The following LRP1B variants were observed in gnomAD, a reference collection of about 807,000 sequenced individuals.
LRP1B encodes the protein LDL receptor related protein 1B.
Under a neutral mutation model 556.6 loss-of-function variants are expected in LRP1B, and 217 were observed. The observed-to-expected ratio is 0.39, with a 90% CI of 0.35 to 0.44. LRP1B has a LOEUF of 0.44. Among genes scored for constraint, LRP1B ranks in the 20% least tolerant of loss-of-function variants. The pLI, the probability that LRP1B is intolerant of heterozygous loss-of-function variation, is 1.00. For missense variants in LRP1B, 5,053 were observed against 5,620.8 expected, an observed-to-expected ratio of 0.90 and a Z score of 3.23; for synonymous variants, 2,047 against 1,865.8, an observed-to-expected ratio of 1.10 and a Z score of -2.50.
intron 13 of LRP1B, among the ~76,000 whole-genome samples, chr2:141,014,864 T>C (rs16845138): frequency 0.01 from 1,577 of 152,238 alleles, 29 homozygotes; most frequent in African/African-American, 0.035. Context: ...ACAGTATTGT[T>C]AGCATCAATC....
At chr2:140,947,529 G>A (rs964020841) in intron 20 of LRP1B, among the ~76,000 whole-genome samples, 4 of 152,270 alleles carry the variant, frequency 2.6e-5, no homozygotes, top group East Asian at 1.9e-4. Context: ...TAATCAAAGC[G>A]AATTTCTGCT....
intron 89 of LRP1B, among the ~76,000 whole-genome samples, chr2:140,237,667 C>A (rs1370073453): frequency 6.6e-6 from 1 of 150,624 alleles, no homozygotes; most frequent in East Asian, 2.0e-4. Flanking sequence ...ACTTTTCAGC[C>A]ATATTTCTAG....
intron 66 of LRP1B, 50 bp downstream of exon 66, chr2:140,442,454 G>A: frequency 6.3e-7 from 1 of 1,575,142 alleles, no homozygotes; most frequent in Non-Finnish European, 8.6e-7. Context: ...GGTTGTCGCA[G>A]ATGATGACTC....
intron 6 of LRP1B, among the ~76,000 whole-genome samples, chr2:141,227,656 A>G (rs776627646): frequency 1.3e-5 from 2 of 152,176 alleles, no homozygotes; most frequent in Non-Finnish European, 2.9e-5. Flanking sequence ...AAAATGTTCG[A>G]CAATATTTGT....
At chr2:141,929,997 C>A (rs1700447579) in intron 1 of LRP1B, among the ~76,000 whole-genome samples, 1 of 147,148 alleles carries the variant, frequency 6.8e-6, no homozygotes, top group Admixed American at 6.8e-5. Flanking sequence ...GTCATGAGGA[C>A]CCAAACCCAT....
chr2:141,378,713 T>G (rs1689526723), intron 3 of LRP1B, among the ~76,000 whole-genome samples: 2 of 152,178 alleles, frequency 1.3e-5, no homozygotes, highest in South Asian at 4.1e-4. Flanking sequence ...TTATTTTGAA[T>G]AGCAGATTTG....
intron 7 of LRP1B, among the ~76,000 whole-genome samples, chr2:141,187,918 A>G (rs1681328543): frequency 6.6e-6 from 1 of 151,996 alleles, no homozygotes; most frequent in Non-Finnish European, 1.5e-5. Context: ...ACATATCAAC[A>G]GTCATCGAAC....
intron 1 of LRP1B, among the ~76,000 whole-genome samples, chr2:141,876,802 AC>A (rs891571400): frequency 3.3e-5 from 5 of 151,750 alleles, no homozygotes; most frequent in African/African-American, 1.2e-4. Flanking sequence ...GTGAGAAATA[AC>A]CCCCAACCCC....
At chr2:141,242,510 C>A (rs894298566) in intron 5 of LRP1B, among the ~76,000 whole-genome samples, 1 of 151,994 alleles carries the variant, frequency 6.6e-6, no homozygotes, top group Non-Finnish European at 1.5e-5. Context: ...CCTGTTCTTA[C>A]AACTAAGAGT....
chr2:141,502,391 A>G (rs1559108157), intron 2 of LRP1B, among the ~76,000 whole-genome samples: 1 of 152,190 alleles, frequency 6.6e-6, no homozygotes, highest in Non-Finnish European at 1.5e-5. Context: ...GCTCATGAAT[A>G]TTTGTATTTA....
At position 141,506,412 on chromosome 2, in the gene LRP1B, GATA is replaced by G. The variant is rs1168386698; in HGVS notation, c.206-25882_206-25880del. ...ACAAGCATTTCAACTGGAACAAAATGATAATGAGAAAAACAACAGAAGTGTTAA... is the reference window on the plus strand; with the variant it reads ...ACAAGCATTTCAACTGGAACAAAATGATGAGAAAAACAACAGAAGTGTTAA... On this transcript the variant is annotated intron_variant, in intron 2 of 90. Coordinates refer to ENST00000389484, the MANE Select transcript of LRP1B (RefSeq NM_018557.3). Among the ~76,000 whole-genome samples, 4 of 152,162 alleles carry G rather than the reference GATA, an allele frequency of 2.6e-5. 1 individual carries two copies. The South Asian group carries it at 6.2e-4, about 24-fold the overall frequency.
intron 3 of LRP1B, among the ~76,000 whole-genome samples, chr2:141,255,977 G>A (rs1684446304): frequency 6.6e-6 from 1 of 151,774 alleles, no homozygotes; most frequent in Non-Finnish European, 1.5e-5. Context: ...TGCTAATCAC[G>A]CTGCTACAGT....
At chr2:141,832,895 A>G (rs1334969200) in intron 1 of LRP1B, among the ~76,000 whole-genome samples, 1 of 151,830 alleles carries the variant, frequency 6.6e-6, no homozygotes, top group Non-Finnish European at 1.5e-5. Flanking sequence ...TTATTTAACT[A>G]CTCACAGAAC....
At chr2:142,044,644 A>G (rs998356976) in intron 1 of LRP1B, among the ~76,000 whole-genome samples, 1 of 151,738 alleles carries the variant, frequency 6.6e-6, no homozygotes, top group Non-Finnish European at 1.5e-5. Flanking sequence ...TGTGGATTAC[A>G]CAATCGAAAA....
chr2:141,022,249 G>A (rs1698085351), intron 11 of LRP1B, among the ~76,000 whole-genome samples: 1 of 151,422 alleles, frequency 6.6e-6, no homozygotes, highest in South Asian at 2.1e-4. Flanking sequence ...AAAGGAATTA[G>A]CCTAGATTAT....
intron 7 of LRP1B, among the ~76,000 whole-genome samples, chr2:141,071,074 A>G (rs1699627016): frequency 6.6e-6 from 1 of 152,028 alleles, no homozygotes; most frequent in Non-Finnish European, 1.5e-5. Flanking sequence ...TTAGACCAAT[A>G]TCCTTGATGA....
At chr2:140,585,074 T>C (rs1681930885) in intron 43 of LRP1B, among the ~76,000 whole-genome samples, 2 of 152,102 alleles carry the variant, frequency 1.3e-5, no homozygotes, top group South Asian at 4.1e-4. Context: ...ATGTTATTAT[T>C]CCTACAAAAG....
intron 18 of LRP1B, among the ~76,000 whole-genome samples, chr2:140,976,158 G>T (rs971763892): frequency 6.6e-6 from 1 of 151,936 alleles, no homozygotes; most frequent in Non-Finnish European, 1.5e-5. Context: ...GGGCTCAAGT[G>T]ATCCACCTAC....
chr2:140,935,897 T>C (rs541253071), intron 20 of LRP1B, among the ~76,000 whole-genome samples: 30 of 151,918 alleles, frequency 2.0e-4, no homozygotes, highest in African/African-American at 7.0e-4. Flanking sequence ...CACACACACA[T>C]ATATATGTAT....
Sources: gnomAD v4.1 joint callset for allele counts (sites outside exome capture counted in the v4.1 genomes callset) on GRCh38, gnomAD v4.1.1 for gene constraint, MANE v1.5 for transcripts, NCBI Gene and HGNC (gene_info 2026-07-23, HGNC 2026-07-21) for gene names.